Variants in AFM observed in about 807,000 individuals in gnomAD.
The protein encoded by AFM is afamin.
A neutral mutation model predicts 68.7 loss-of-function variants in AFM; 82 were observed. That is an observed-to-expected ratio of 1.19 (90% CI 1.00 to 1.43). AFM has a LOEUF of 1.43. Ranked by LOEUF, AFM falls within the 40% of genes most tolerant of loss-of-function variation. The probability of loss-of-function intolerance (pLI) is 0.00; values close to 1 mark genes in which losing one functional copy is unlikely to be tolerated. For synonymous variants in AFM, 250 were observed against 234.2 expected (o/e 1.07, Z -0.61); for missense variants, 772 against 701.8 (o/e 1.10, Z -1.13).
At position 73,501,847 on chromosome 4, in the gene AFM, G is replaced by A. The variant is rs1721432877; in HGVS notation, c.1707G>A (p.Leu569=). Residue 569 remains leucine, a synonymous_variant, in exon 13 of 15, where the codon TTG becomes TTA. Transcript: ENST00000226355. ...HELTDEELQS[L]FTNFANVVDK... ...TCACAGATGAAGAGCTGCAGTCTTTGTTTACAAATTTCGCAAATGTAGTGG... is the reference window on the plus strand; with the variant it reads ...TCACAGATGAAGAGCTGCAGTCTTTATTTACAAATTTCGCAAATGTAGTGG... 3 of 1,613,418 alleles carry A rather than the reference G, an allele frequency of 1.9e-6. No homozygotes were observed. Among genetic ancestry groups the A allele is most frequent in the Non-Finnish European group, 2.5e-6 (3 of 1,179,700 alleles).
At chr4:73,502,512 G>T (rs1721448779) in intron 13 of AFM, among the ~76,000 whole-genome samples, 1 of 152,124 alleles carries the variant, frequency 6.6e-6, no homozygotes, top group African/African-American at 2.4e-5. Flanking sequence ...ATTTGCTCTG[G>T]TTTGAACCTC....
intron 3 of AFM, among the ~76,000 whole-genome samples, chr4:73,484,751 G>T (rs186152763): frequency 6.6e-6 from 1 of 151,858 alleles, no homozygotes; most frequent in Admixed American, 6.6e-5. Context: ...TGACCAGCCT[G>T]GTCTCAAACT....
At chr4:73,501,954 G>T in intron 13 of AFM, 35 bp downstream of exon 13, 1 of 1,603,386 alleles carries the variant, frequency 6.2e-7, no homozygotes, top group Non-Finnish European at 8.5e-7. Flanking sequence ...AATTCAACTG[G>T]TTTTCCTGGT....
At chr4:73,499,280 T>C in intron 11 of AFM, 34 bp downstream of exon 11, 1 of 1,461,894 alleles carries the variant, frequency 6.8e-7, no homozygotes, top group African/African-American at 1.5e-5. Context: ...CTACTCTTTT[T>C]TTTTTTTTTT....
chr4:73,497,579 C>T, intron 9 of AFM, 73 bp from the exon 10 acceptor site: 4 of 932,774 alleles, frequency 4.3e-6, no homozygotes, highest in Non-Finnish European at 6.4e-6. Flanking sequence ...AAATGCTATT[C>T]TACACATTGA....
chr4:73,492,035 G>A lies in AFM; in HGVS notation c.1007G>A (p.Ser336Asn), dbSNP rs758690639. Residue 336 changes from serine (S) to asparagine (N), a missense_variant, in exon 8 of 15, where the codon AGT becomes AAT. Coordinates refer to ENST00000226355, the MANE Select transcript of AFM (RefSeq NM_001133.2). ...LSLREGKFTD[S>N]ENVCQERDAD... ...CTAAGAGAAGGAAAATTTACTGACA[G>A]TGAAAATGTGTGTCAAGAACGAGAT... 30 of 1,613,104 alleles carry A rather than the reference G, an allele frequency of 1.9e-5. No homozygotes were observed. In the African/African-American group the frequency reaches 3.5e-4, roughly 19 times the overall value.
chr4:73,488,862 C>T (rs1720989541), intron 7 of AFM, 103 bp downstream of exon 7: 1 of 1,102,602 alleles, frequency 9.1e-7, no homozygotes, highest in Non-Finnish European at 1.3e-6. Context: ...ACAATGAAAT[C>T]AGAATGTGAT....
At chr4:73,503,156 A>T in intron 14 of AFM, 46 bp downstream of exon 14, 1 of 1,428,024 alleles carries the variant, frequency 7.0e-7, no homozygotes. Context: ...TTTGTGGCTT[A>T]TCTGATCTCC....
chr4:73,487,645 T>G, intron 5 of AFM, 79 bp from the exon 6 acceptor site: 6 of 971,270 alleles, frequency 6.2e-6, no homozygotes, highest in Non-Finnish European at 9.3e-6. Flanking sequence ...TGTAATAGTT[T>G]GAATGAAATA....
At chr4:73,491,283 C>T (rs377092092) in intron 7 of AFM, among the ~76,000 whole-genome samples, 28 of 152,138 alleles carry the variant, frequency 1.8e-4, no homozygotes, top group African/African-American at 6.5e-4. Context: ...TATTTGCTAA[C>T]CTGAACAGCT....
Position 73,488,676 on chromosome 4 carries a change from G to C in AFM, c.760G>C (p.Glu254Gln). 6.2e-7 allele frequency: 1 copy of C among 1,612,396 alleles called. No individual in the cohort carries two copies. The highest frequency in any genetic ancestry group is 8.5e-7 in the Non-Finnish European group (1 of 1,179,082). The change falls in exon 7 of 15, where the codon GAG becomes CAG. Residue 254 changes from glutamate to glutamine, a missense_variant. Coordinates refer to ENST00000226355, the MANE Select transcript of AFM (RefSeq NM_001133.2). The stretch of plus-strand genomic sequence containing the variant: ...AAAATTCCCCAAGATTGAATTTAAG[G>C]AGCTTATTTCTCTTGTAGAAGATGT... ...SQKFPKIEFKELISLVEDVSS... is the reference protein window; with the variant it reads ...SQKFPKIEFKQLISLVEDVSS...
rs186017747 is a variant in AFM, at chr4:73,485,391, G to T, written c.271-471G>T. Among the ~76,000 whole-genome samples, 35 of 152,198 alleles carry T rather than the reference G, an allele frequency of 2.3e-4. No homozygotes were observed. The East Asian group carries it at 5.4e-3, about 24-fold the overall frequency. ...AAGATTCTGAAAGTGCAGGATGATTGTCAAGGGTTTGGGTAAAAATGCTTT... is the reference window on the plus strand; with the variant it reads ...AAGATTCTGAAAGTGCAGGATGATTTTCAAGGGTTTGGGTAAAAATGCTTT... On this transcript the variant is annotated intron_variant, in intron 3 of 14. Coordinates refer to ENST00000226355, the MANE Select transcript of AFM (RefSeq NM_001133.2).
intron 7 of AFM, 126 bp from the exon 8 acceptor site, chr4:73,491,746 C>G: frequency 1.2e-6 from 1 of 828,736 alleles, no homozygotes; most frequent in East Asian, 2.6e-5. Flanking sequence ...CAAATATTAT[C>G]TAGCAAATTA....
At chr4:73,502,939 G>A (rs575845596) in intron 13 of AFM, 111 bp from the exon 14 acceptor site, 22 of 1,014,430 alleles carry the variant, frequency 2.2e-5, no homozygotes, top group East Asian at 1.7e-4. Flanking sequence ...CCTGTACAAC[G>A]TGGGAATGAT....
intron 1 of AFM, among the ~76,000 whole-genome samples, chr4:73,483,548 C>T (rs942384791): frequency 3.9e-4 from 60 of 152,234 alleles, no homozygotes; most frequent in Admixed American, 3.3e-3. Context: ...CATGCTACAG[C>T]ATCTCTCATC....
Position 73,484,402 on chromosome 4 carries a change from GC to G in AFM, c.270+13del, listed in dbSNP as rs746352283. The G allele has an allele frequency of 6.6e-7, 1 of 1,510,890 alleles. No homozygotes were observed. Among genetic ancestry groups the G allele is most frequent in the Non-Finnish European group, 8.8e-7 (1 of 1,131,522 alleles). The allele number at this position is 1,510,890 out of a possible 1,614,324, so 93.6% of individuals were successfully genotyped here. ...GTTCAAAATTACCTGTAAGTAAATT[GC>G]TTGTGTTTCTTTTCCTTTTATCTTA... On this transcript the variant is annotated intron_variant, in intron 3 of 14. Coordinates refer to ENST00000226355, the MANE Select transcript of AFM (RefSeq NM_001133.2).
intron 7 of AFM, among the ~76,000 whole-genome samples, chr4:73,491,640 T>A (rs1721072931): frequency 6.6e-6 from 1 of 152,228 alleles, no homozygotes; most frequent in African/African-American, 2.4e-5. Flanking sequence ...GAATCTATAG[T>A]ACAGCCTATT....
In AFM at chr4:73,492,022, A is replaced by T. The variant is rs1396432750; in HGVS notation, c.994A>T (p.Lys332Ter). ...RPKDLSLREG[K>*]FTDSENVCQE... ...AAAGGATTTATCTCTAAGAGAAGGA[A>T]AATTTACTGACAGTGAAAATGTGTG... The change falls in exon 8 of 15, where the codon AAA (lysine) becomes TAA (stop). Residue 332 changes from lysine to a stop codon, truncating the protein, a stop_gained. Coordinates refer to ENST00000226355, the MANE Select transcript of AFM (RefSeq NM_001133.2). LOFTEE classifies it high-confidence loss of function. The T allele has an allele frequency of 6.2e-7, 1 of 1,613,502 alleles. No homozygotes were observed. Among genetic ancestry groups the T allele is most frequent in the Non-Finnish European group, 8.5e-7 (1 of 1,179,858 alleles).
At chr4:73,498,509 A>G (rs1406528911) in intron 10 of AFM, among the ~76,000 whole-genome samples, 1 of 152,106 alleles carries the variant, frequency 6.6e-6, no homozygotes, top group Admixed American at 6.5e-5. Context: ...CTGGTCTTGA[A>G]CTTCTGAGCT....
Sources: allele counts gnomAD v4.1 joint callset (sites outside exome capture counted in the v4.1 genomes callset), GRCh38; gene constraint gnomAD v4.1.1; transcripts MANE v1.5; gene names NCBI Gene and HGNC (gene_info 2026-07-23, HGNC 2026-07-21).